Variants in RASAL2 observed in about 807,000 individuals in gnomAD.
RASAL2 encodes the protein RAS protein activator like 2.
Under a neutral mutation model 128.9 loss-of-function variants are expected in RASAL2, and 58 were observed. That is an observed-to-expected ratio of 0.45 (90% confidence interval 0.36 to 0.56). The LOEUF (loss-of-function observed/expected upper bound fraction) is 0.56. RASAL2 is among the 20% of genes least tolerant of loss of function. RASAL2 has a pLI of 0.00. For missense variants in RASAL2, 1,360 were observed against 1,601.6 expected (o/e 0.85, Z 2.57); for synonymous variants, 561 against 580.8 (o/e 0.97, Z 0.49).
intron 4 of RASAL2, chr1:178,411,621 G>A: frequency 2.6e-6 from 2 of 760,690 alleles, no homozygotes; most frequent in Non-Finnish European, 2.4e-6. Context: ...ACTTCAGGTG[G>A]CTGAAGGAGA....
intron 1 of RASAL2, among the ~76,000 whole-genome samples, chr1:178,115,993 G>A (rs1462140347): frequency 1.3e-5 from 2 of 152,180 alleles, no homozygotes; most frequent in African/African-American, 4.8e-5. Context: ...ACTATTTACT[G>A]AGAGTTTTTT....
chr1:178,363,246 A>G (rs1392940041), intron 3 of RASAL2, among the ~76,000 whole-genome samples: 4 of 151,660 alleles, frequency 2.6e-5, no homozygotes, highest in Admixed American at 6.6e-5. Context: ...TTTGATTTTC[A>G]TTTTCCTGAT....
At chr1:178,318,356 T>C (rs1274518331) in intron 3 of RASAL2, among the ~76,000 whole-genome samples, 1 of 150,668 alleles carries the variant, frequency 6.6e-6, no homozygotes, top group Non-Finnish European at 1.5e-5. Context: ...CTTGTTGACT[T>C]TCTGTCTCGT....
intron 5 of RASAL2, among the ~76,000 whole-genome samples, chr1:178,431,835 T>C (rs958077674): frequency 6.7e-6 from 1 of 150,202 alleles, no homozygotes; most frequent in Non-Finnish European, 1.5e-5. Context: ...TGAATATGTA[T>C]ATATAGACAT....
intron 3 of RASAL2, among the ~76,000 whole-genome samples, chr1:178,347,237 AT>A (rs1239835929): frequency 6.6e-6 from 1 of 152,136 alleles, no homozygotes; most frequent in Non-Finnish European, 1.5e-5. Context: ...CCCAGTAGAA[AT>A]TCTCCCAGTG....
At chr1:178,408,619 G>GTTTTTTTTT (rs1012370223) in intron 4 of RASAL2, among the ~76,000 whole-genome samples, 1 of 143,252 alleles carries the variant, frequency 7.0e-6, no homozygotes, top group African/African-American at 2.8e-5. Context: ...TTTGTTTTTT[G>GTTTTTTTTT]TTTTTTGTTT....
rs77716523 is a variant in RASAL2, at chr1:178,213,227, A to G, written c.203-70337A>G. 5.5e-3 allele frequency among the ~76,000 whole-genome samples: 843 copies of G among 152,212 alleles called. 11 individuals are homozygous for G. Among genetic ancestry groups the G allele is most frequent in the African/African-American group, 0.019 (791 of 41,520 alleles). On this transcript the variant is annotated intron_variant, in intron 1 of 17. Transcript: ENST00000367649. Reference sequence around the variant, plus strand: ...AATTTCTTTTTCTTTCGTTTGCTATAGAAACGAGGTCTCACTATGTTGCCC... The same window carrying G: ...AATTTCTTTTTCTTTCGTTTGCTATGGAAACGAGGTCTCACTATGTTGCCC...
intron 1 of RASAL2, among the ~76,000 whole-genome samples, chr1:178,159,450 A>T (rs1272813116): frequency 1.3e-5 from 2 of 152,236 alleles, no homozygotes; most frequent in African/African-American, 2.4e-5. Flanking sequence ...GCCAGTCTGC[A>T]TACAGCGTAG....
At chr1:178,192,507 T>C (rs1243926136) in intron 1 of RASAL2, among the ~76,000 whole-genome samples, 1 of 152,228 alleles carries the variant, frequency 6.6e-6, no homozygotes, top group African/African-American at 2.4e-5. Flanking sequence ...TTAGGACAGC[T>C]GTTTTAGATG....
intron 1 of RASAL2, among the ~76,000 whole-genome samples, chr1:178,215,857 C>G (rs1401033490): frequency 1.3e-5 from 2 of 152,006 alleles, no homozygotes; most frequent in Admixed American, 6.6e-5. Context: ...TCCATCTAGC[C>G]TTACTTAAAG....
At chr1:178,257,780 G>A (rs746285733) in intron 1 of RASAL2, among the ~76,000 whole-genome samples, 37 of 150,004 alleles carry the variant, frequency 2.5e-4, no homozygotes, top group Non-Finnish European at 5.0e-4. Context: ...AGTTGAGGCT[G>A]CAATGAGCCA....
chr1:178,099,682 C>T (rs1026058262), intron 1 of RASAL2, among the ~76,000 whole-genome samples: 4 of 152,198 alleles, frequency 2.6e-5, no homozygotes, highest in African/African-American at 2.4e-5. Context: ...GTGAATAGGC[C>T]GGGCGTGGTG....
chr1:178,307,990 A>G (rs1177535337), intron 3 of RASAL2, among the ~76,000 whole-genome samples: 1 of 152,176 alleles, frequency 6.6e-6, no homozygotes, highest in African/African-American at 2.4e-5. Flanking sequence ...GAACTGGTAA[A>G]TTCAAATCCA....
At chr1:178,160,112 C>T (rs1484237037) in intron 1 of RASAL2, among the ~76,000 whole-genome samples, 4 of 150,380 alleles carry the variant, frequency 2.7e-5, no homozygotes, top group African/African-American at 9.8e-5. Context: ...AGGTTTGTTG[C>T]ATATGTATAC....
chr1:178,337,864 C>T (rs7526606), intron 3 of RASAL2, among the ~76,000 whole-genome samples: 52,547 of 150,798 alleles, frequency 0.35, 12,931 homozygotes, highest in African/African-American at 0.7. Flanking sequence ...CCCGAGTAGC[C>T]GAGATTATAG....
At chr1:178,260,118 C>T (rs1665597977) in intron 1 of RASAL2, among the ~76,000 whole-genome samples, 1 of 150,334 alleles carries the variant, frequency 6.7e-6, no homozygotes, top group Non-Finnish European at 1.5e-5. Context: ...TTTGGGAAGC[C>T]GAGGTGGGTG....
intron 1 of RASAL2, among the ~76,000 whole-genome samples, chr1:178,100,527 T>TAA (rs878987686): frequency 1.0e-4 from 11 of 105,388 alleles, no homozygotes; most frequent in Non-Finnish European, 1.6e-4. Context: ...CAGTCTCAAA[T>TAA]AAAAAAAAAA....
At chr1:178,196,270 A>G (rs1008547428) in intron 1 of RASAL2, among the ~76,000 whole-genome samples, 2 of 152,308 alleles carry the variant, frequency 1.3e-5, no homozygotes, top group East Asian at 3.9e-4. Flanking sequence ...ATATTCATTT[A>G]AAAACATGTT....
chr1:178,214,219 A>G (rs984158673), intron 1 of RASAL2, among the ~76,000 whole-genome samples: 1 of 152,184 alleles, frequency 6.6e-6, no homozygotes, highest in Non-Finnish European at 1.5e-5. Flanking sequence ...ATAGTGAACG[A>G]GCTATCATCC....
Sources: gnomAD v4.1 joint callset for allele counts (sites outside exome capture counted in the v4.1 genomes callset) on GRCh38, gnomAD v4.1.1 for gene constraint, MANE v1.5 for transcripts, NCBI Gene and HGNC (gene_info 2026-07-23, HGNC 2026-07-21) for gene names.